The following CCT6A variants were observed in gnomAD, a reference collection of about 807,000 sequenced individuals.
CCT6A encodes the protein T-complex protein 1 subunit zeta.
CCT6A carries 6 observed loss-of-function variants against 58.6 expected under a neutral mutation model. The ratio of observed to expected loss-of-function variants is 0.10; its 90% CI spans 0.06 to 0.20. The LOEUF (loss-of-function observed/expected upper bound fraction) is 0.20, where lower values mean the gene tolerates loss of function less well. CCT6A is among the 10% of genes least tolerant of loss of function. The pLI, the probability that CCT6A is intolerant of heterozygous loss-of-function variation, is 1.00. For missense variants in CCT6A, 516 were observed against 648.8 expected (o/e 0.80, Z 2.22); for synonymous variants, 245 against 227.8 (o/e 1.08, Z -0.68).
chr7:56,055,807 A>G lies in CCT6A; in HGVS notation c.510+10A>G. 6.2e-7 allele frequency: 1 copy of G among 1,606,600 alleles called. No homozygotes were observed. Among genetic ancestry groups the G allele is most frequent in the Non-Finnish European group, 8.5e-7 (1 of 1,173,930 alleles). Reference sequence around the variant, plus strand: ...AGATGTCTTAACAGAGGTATGTATTAAATTTTGTCTATGTCTGGTATAGTA... The same window carrying G: ...AGATGTCTTAACAGAGGTATGTATTGAATTTTGTCTATGTCTGGTATAGTA... On this transcript the variant is annotated intron_variant, in intron 4 of 13. Coordinates refer to ENST00000275603, the MANE Select transcript of CCT6A (RefSeq NM_001762.4).
In CCT6A at chr7:56,058,354, C is replaced by G; in HGVS notation, c.726-8C>G. Reference sequence around the variant, plus strand: ...CCTGCTTTCTGTAACTTTTTTTTTTCTTAATAGAGAAGTGAATTCTGGCTT... The same window carrying G: ...CCTGCTTTCTGTAACTTTTTTTTTTGTTAATAGAGAAGTGAATTCTGGCTT... On this transcript the variant is annotated splice_region_variant and splice_polypyrimidine_tract_variant and intron_variant, in intron 6 of 13. Transcript: ENST00000275603. The G allele has an allele frequency of 6.5e-7, 1 of 1,532,244 alleles. No homozygotes were observed. Among genetic ancestry groups the G allele is most frequent in the Non-Finnish European group, 8.8e-7 (1 of 1,140,800 alleles). 94.9% of individuals were successfully genotyped at this position (1,532,244 alleles called of 1,614,324 possible).
rs754017126 is a variant in CCT6A, at chr7:56,063,092, G to GCTT, written c.*9_*11dup. 1.8e-5 allele frequency: 29 copies of GCTT among 1,576,548 alleles called. No homozygotes were observed. Among genetic ancestry groups the GCTT allele is most frequent in the Middle Eastern group, 3.3e-4 (2 of 6,026 alleles). ...GTCTTCTCTGAAAGGTTGAATTGAA[G>GCTT]CTTCCTCTGTATCTGAATCTTGAAG... On this transcript the variant is annotated 3_prime_UTR_variant, in exon 14 of 14. Coordinates refer to ENST00000275603, the MANE Select transcript of CCT6A (RefSeq NM_001762.4).
At position 56,051,887 on chromosome 7, in the gene CCT6A, G is replaced by A; in HGVS notation, c.39G>A (p.Val13=). ...AVKTLNPKAE[V]ARAQAALAVN... is the part of the protein sequence containing the mutation. ...AGACCCTGAACCCCAAGGCCGAGGTGGCCCGAGCGCAGGCGGCGCTGGCGG... is the reference window on the plus strand; with the variant it reads ...AGACCCTGAACCCCAAGGCCGAGGTAGCCCGAGCGCAGGCGGCGCTGGCGG... The change falls in exon 1 of 14, where the codon GTG becomes GTA. Residue 13 remains valine (V), a synonymous_variant. Coordinates refer to ENST00000275603, the MANE Select transcript of CCT6A (RefSeq NM_001762.4). The A allele has an allele frequency of 6.4e-7, 1 of 1,558,800 alleles. No individual in the cohort carries two copies. Among genetic ancestry groups the A allele is most frequent in the African/African-American group, 1.4e-5 (1 of 73,042 alleles).
intron 9 of CCT6A, 73 bp downstream of exon 9, chr7:56,059,713 T>A (rs576730840): frequency 1.3e-6 from 1 of 788,194 alleles, no homozygotes; most frequent in African/African-American, 1.7e-5. Flanking sequence ...TTGTTTGAGG[T>A]GGGGTCTCAC....
At position 56,063,449 on chromosome 7, in the gene CCT6A, C is replaced by CTA. The variant is rs916914483; in HGVS notation, c.*365_*366dup. ...TGTGGACGTATGTTAAATTATCCAA[C>CTA]TACCCTATTGTTAAGCATTTGGTTT... is the stretch of plus-strand genomic sequence containing the variant. On this transcript the variant is annotated 3_prime_UTR_variant, in exon 14 of 14. Coordinates refer to ENST00000275603, the MANE Select transcript of CCT6A (RefSeq NM_001762.4). The CTA allele has an allele frequency of 8.6e-5, 20 of 231,222 alleles. No individual in the cohort carries two copies. In the Admixed American group the frequency reaches 9.8e-4, roughly 11 times the overall value. The allele number at this position is 231,222 out of a possible 1,614,324, so 14.3% of individuals were successfully genotyped here. A position where few individuals can be genotyped will look rare whatever the true frequency, so the allele number is the denominator to read the frequency against.
At chr7:56,054,944 G>A (rs1794273028) in intron 3 of CCT6A, among the ~76,000 whole-genome samples, 1 of 152,252 alleles carries the variant, frequency 6.6e-6, no homozygotes, top group African/African-American at 2.4e-5. Flanking sequence ...ATTTTTATTA[G>A]TAAATGATGT....
chr7:56,061,306 A>C (rs1794426481), intron 11 of CCT6A, among the ~76,000 whole-genome samples: 1 of 150,512 alleles, frequency 6.6e-6, no homozygotes, highest in South Asian at 2.1e-4. Flanking sequence ...TAGTTGAGAG[A>C]GTTGATCAGT....
intron 11 of CCT6A, 76 bp downstream of exon 11, chr7:56,061,016 A>G (rs537598754): frequency 1.6e-5 from 23 of 1,473,640 alleles, no homozygotes; most frequent in Middle Eastern, 3.6e-4. Context: ...GGATTTATTC[A>G]TAAAGTGGAT....
In CCT6A at chr7:56,055,698, C is replaced by G. The variant is rs1238578023; in HGVS notation, c.411C>G (p.Val137=). 2 of 1,613,580 alleles carry G rather than the reference C, an allele frequency of 1.2e-6. No individual in the cohort carries two copies. Among genetic ancestry groups the G allele is most frequent in the Admixed American group, 1.7e-5 (1 of 60,000 alleles). The change falls in exon 4 of 14, where the codon GTC becomes GTG. Residue 137 remains valine (V), a synonymous_variant. Transcript: ENST00000275603. ...AGGCCCTTCAGTTTTTGGAAGAAGT[C>G]AAAGTAAGCAGAGAGATGGACAGGG... ...KEKALQFLEE[V]KVSREMDRET...
intron 10 of CCT6A, 36 bp from the exon 11 acceptor site, chr7:56,060,771 T>C: frequency 6.3e-7 from 1 of 1,584,070 alleles, no homozygotes; most frequent in Non-Finnish European, 8.6e-7. Context: ...AGTTCTGCAG[T>C]TTTCTTAGCA....
chr7:56,060,658 G>A, intron 10 of CCT6A, 149 bp from the exon 11 acceptor site: 7 of 1,120,138 alleles, frequency 6.2e-6, no homozygotes, highest in Non-Finnish European at 9.4e-6. Context: ...AGCCATTCTG[G>A]TTGAACCATT....
intron 5 of CCT6A, among the ~76,000 whole-genome samples, chr7:56,057,197 G>A (rs1332137532): frequency 1.3e-5 from 2 of 152,138 alleles, no homozygotes; most frequent in East Asian, 1.9e-4. Context: ...GAAATAAGGT[G>A]AATGTTATGT....
At chr7:56,052,173 A>G (rs1418979507) in intron 1 of CCT6A, among the ~76,000 whole-genome samples, 188 bp downstream of exon 1, 2 of 152,124 alleles carry the variant, frequency 1.3e-5, no homozygotes, top group African/African-American at 2.4e-5. Flanking sequence ...GCATCGATGC[A>G]GTCTCCGCGG....
chr7:56,058,909 A>G (rs1794371559), intron 8 of CCT6A: 1 of 383,178 alleles, frequency 2.6e-6, no homozygotes, highest in African/African-American at 2.1e-5. Context: ...GTTACTCCCC[A>G]TTTCTCCCTC....
At chr7:56,052,045 G>T (rs1408618472) in intron 1 of CCT6A, 60 bp downstream of exon 1, 18 of 1,318,442 alleles carry the variant, frequency 1.4e-5, no homozygotes, top group Non-Finnish European at 1.7e-5. Context: ...GCTCCTGGCG[G>T]GCCCGGGACC....
chr7:56,060,736 T>G (rs1472183198), intron 10 of CCT6A, 71 bp from the exon 11 acceptor site: 1 of 1,516,140 alleles, frequency 6.6e-7, no homozygotes, highest in Non-Finnish European at 9.0e-7. Context: ...ATGGCTTTCA[T>G]ATGTATATTT....
chr7:56,060,549 T>C, intron 10 of CCT6A, 133 bp downstream of exon 10: 1 of 1,029,860 alleles, frequency 9.7e-7, no homozygotes, highest in East Asian at 2.4e-5. Flanking sequence ...TTAGAATGAC[T>C]GATGGTATGC....
At chr7:56,061,668 C>CTTTTTTCTT in intron 11 of CCT6A, 79 bp from the exon 12 acceptor site, 1 of 309,836 alleles carries the variant, frequency 3.2e-6, no homozygotes, top group Non-Finnish European at 5.7e-6. Flanking sequence ...TTTCTTTTTT[C>CTTTTTTCTT]TTTTTTTTTT....
At chr7:56,058,587 A>G in intron 7 of CCT6A, 33 bp from the exon 8 acceptor site, 2 of 1,583,240 alleles carry the variant, frequency 1.3e-6, no homozygotes, top group Middle Eastern at 1.7e-4. Flanking sequence ...TTAAGGTGAA[A>G]GATGTTGAAA....
Sources: allele counts gnomAD v4.1 joint callset (sites outside exome capture counted in the v4.1 genomes callset), GRCh38; gene constraint gnomAD v4.1.1; transcripts MANE v1.5; gene names NCBI Gene and HGNC (gene_info 2026-07-23, HGNC 2026-07-21).